CAB39: variants seen among roughly 807,000 people sequenced by gnomAD.
The protein encoded by CAB39 is calcium binding protein 39.
In CAB39, 8 loss-of-function variants were observed where a neutral mutation model predicts 40.0. That is an observed-to-expected ratio of 0.20 (90% CI 0.12 to 0.36). The LOEUF is 0.36. Ranked by LOEUF, CAB39 falls within the 10% of genes least tolerant of loss-of-function variation. CAB39 has a pLI of 1.00. For synonymous variants in CAB39, 156 were observed against 141.6 expected, an observed-to-expected ratio of 1.10 and a Z score of -0.72; for missense variants, 270 against 401.1, an observed-to-expected ratio of 0.67 and a Z score of 2.79.
chr2:230,784,119 G>T (rs1695746210), intron 2 of CAB39, among the ~76,000 whole-genome samples: 1 of 152,078 alleles, frequency 6.6e-6, no homozygotes, highest in South Asian at 2.1e-4. Context: ...TGGTAGACGG[G>T]GATAAATGGA....
rs1262854719 is a variant in CAB39, at chr2:230,713,078, C to T, written c.-196C>T. 6.6e-6 allele frequency: 1 copy of T among 151,492 alleles called. No individual in the cohort carries two copies. Among genetic ancestry groups the T allele is most frequent in the African/African-American group, 2.4e-5 (1 of 41,338 alleles). The allele number at this position is 151,492 out of a possible 1,614,324, so 9.4% of individuals were successfully genotyped here. ...CGCAGCCGCCGCCGCCGCGGGAGCC[C>T]GTCGCCGGGAGCAGGAGCGGGCGGA... On this transcript the variant is annotated 5_prime_UTR_variant, in exon 1 of 9. Transcript: ENST00000258418.
At chr2:230,722,300 A>C (rs1280208674) in intron 1 of CAB39, among the ~76,000 whole-genome samples, 1 of 152,202 alleles carries the variant, frequency 6.6e-6, no homozygotes, top group Non-Finnish European at 1.5e-5. Flanking sequence ...AGAATATACC[A>C]TACAAACTTT....
chr2:230,715,069 T>G (rs1694324830), intron 1 of CAB39, among the ~76,000 whole-genome samples: 1 of 152,242 alleles, frequency 6.6e-6, no homozygotes, highest in African/African-American at 2.4e-5. Flanking sequence ...GCGTATTTTC[T>G]TTCCAGTCTT....
intron 2 of CAB39, among the ~76,000 whole-genome samples, chr2:230,763,358 G>T (rs775343280): frequency 6.6e-6 from 1 of 152,098 alleles, no homozygotes; most frequent in Non-Finnish European, 1.5e-5. Flanking sequence ...CTGGGAGGCC[G>T]AGGTGGGTGG....
In CAB39 at chr2:230,727,363, CGTGTGTGTGTGTGTGTGT is replaced by C. The variant is rs10542723; in HGVS notation, c.-44+14152_-44+14169del. Among the ~76,000 whole-genome samples, 657 of 126,940 alleles carry C rather than the reference CGTGTGTGTGTGTGTGTGT, an allele frequency of 5.2e-3. 5 individuals are homozygous for C. Among genetic ancestry groups the C allele is most frequent in the African/African-American group, 0.019 (608 of 31,238 alleles). 83.3% of individuals were successfully genotyped at this position (126,940 alleles called of 152,430 possible). A position where few individuals can be genotyped will look rare whatever the true frequency, so the allele number is the denominator to read the frequency against. ...TAGAGCACTTGAATAGATTGTTAAC[CGTGTGTGTGTGTGTGTGT>C]GTGTGTGTGTGTGTGTGTATTTTTT... On this transcript the variant is annotated intron_variant, in intron 1 of 8. Coordinates refer to ENST00000258418, the MANE Select transcript of CAB39 (RefSeq NM_016289.4).
At chr2:230,727,125 T>C (rs896198565) in intron 1 of CAB39, among the ~76,000 whole-genome samples, 1 of 152,036 alleles carries the variant, frequency 6.6e-6, no homozygotes, top group South Asian at 2.1e-4. Flanking sequence ...TGCACAACTT[T>C]GGAAGAGCTA....
chr2:230,741,436 C>G (rs1327745320), intron 1 of CAB39, among the ~76,000 whole-genome samples: 1 of 152,174 alleles, frequency 6.6e-6, no homozygotes, highest in African/African-American at 2.4e-5. Context: ...TTTGATACTT[C>G]GTCAGTTTAC....
intron 1 of CAB39, among the ~76,000 whole-genome samples, chr2:230,730,376 G>T (rs1422361268): frequency 6.6e-6 from 1 of 151,892 alleles, no homozygotes; most frequent in African/African-American, 2.4e-5. Flanking sequence ...TGATAATTAA[G>T]CTACCCTTTA....
intron 2 of CAB39, among the ~76,000 whole-genome samples, chr2:230,789,830 C>G (rs576763457): frequency 6.6e-6 from 1 of 152,196 alleles, no homozygotes; most frequent in African/African-American, 2.4e-5. Flanking sequence ...CTGGCTCCCC[C>G]GTCCTGGTGC....
rs1694277300 is a variant in CAB39 at position 230,713,102 on chromosome 2, GA to G, written c.-170del. The G allele has an allele frequency of 6.6e-6, 1 of 151,710 alleles. No individual in the cohort carries two copies. The highest frequency in any genetic ancestry group is 1.5e-5 in the Non-Finnish European group (1 of 67,870). The allele number at this position is 151,710 out of a possible 1,614,324, so 9.4% of individuals were successfully genotyped here. A position where few individuals can be genotyped will look rare whatever the true frequency, so the allele number is the denominator to read the frequency against. On this transcript the variant is annotated 5_prime_UTR_variant, in exon 1 of 9. Transcript: ENST00000258418. ...CCGTCGCCGGGAGCAGGAGCGGGCGGAAGACAACGGAGGGGCCGAGCGTCCG... is the reference window on the plus strand; with the variant it reads ...CCGTCGCCGGGAGCAGGAGCGGGCGGAGACAACGGAGGGGCCGAGCGTCCG...
rs188874675 is a variant in CAB39, at chr2:230,766,780, G to A, written c.114+6665G>A. Among the ~76,000 whole-genome samples, 6 of 152,282 alleles carry A rather than the reference G, an allele frequency of 3.9e-5. 1 individual carries two copies. The highest frequency in any genetic ancestry group is 3.9e-4 in the Admixed American group (6 of 15,292). ...CCGGGCTTAAGCTTCAGCCCAGTTG[G>A]CCTCCCAAATTGCTGGGATTGCAGG... On this transcript the variant is annotated intron_variant, in intron 2 of 8. Transcript: ENST00000258418.
rs528881935 is a variant in CAB39 at position 230,758,382 on chromosome 2, T to G, written c.-43-1577T>G. On this transcript the variant is annotated intron_variant, in intron 1 of 8. Transcript: ENST00000258418. Reference sequence around the variant, plus strand: ...TAAACTATTTCTCTTTGGTTAATTTTGTCAAAAAAGGATTTACAAGGTGAC... The same window carrying G: ...TAAACTATTTCTCTTTGGTTAATTTGGTCAAAAAAGGATTTACAAGGTGAC... Among the ~76,000 whole-genome samples, 11 of 152,246 alleles carry G rather than the reference T, an allele frequency of 7.2e-5. No individual in the cohort carries two copies. The South Asian group carries it at 1.0e-3, about 14-fold the overall frequency.
chr2:230,787,358 A>G (rs1695811512), intron 2 of CAB39, among the ~76,000 whole-genome samples: 1 of 152,136 alleles, frequency 6.6e-6, no homozygotes, highest in African/African-American at 2.4e-5. Flanking sequence ...GAGGCAGGTC[A>G]TGGGAGACAT....
At chr2:230,801,917 A>AT in intron 5 of CAB39, among the ~76,000 whole-genome samples, 1 of 152,250 alleles carries the variant, frequency 6.6e-6, no homozygotes, top group East Asian at 1.9e-4. Flanking sequence ...GCTTGAATAA[A>AT]TGGATGCTCA....
intron 2 of CAB39, among the ~76,000 whole-genome samples, chr2:230,775,324 C>G (rs1430401752): frequency 6.7e-6 from 1 of 148,982 alleles, no homozygotes; most frequent in Admixed American, 6.6e-5. Context: ...CAACCTCCGC[C>G]TCCCGGGTTC....
rs373514255 is a variant in CAB39 at position 230,818,499 on chromosome 2, C to T, written c.838-17C>T. 47 of 1,608,738 alleles carry T rather than the reference C, an allele frequency of 2.9e-5. No individual in the cohort carries two copies. Among genetic ancestry groups the T allele is most frequent in the African/African-American group, 2.3e-4 (17 of 74,894 alleles). ...TTGTCCTTTCTCTGTGCCTCATGTG[C>T]GTTTCTCTCCACGCAGGTGTTTGTA... On this transcript the variant is annotated splice_polypyrimidine_tract_variant and intron_variant, in intron 8 of 8. Coordinates refer to ENST00000258418, the MANE Select transcript of CAB39 (RefSeq NM_016289.4).
chr2:230,799,866 T>C (rs1406975173), intron 5 of CAB39, among the ~76,000 whole-genome samples: 1 of 151,968 alleles, frequency 6.6e-6, no homozygotes, highest in Non-Finnish European at 1.5e-5. Context: ...GGCGCATGCC[T>C]GTAATCACAG....
chr2:230,743,048 T>G (rs1694911105), intron 1 of CAB39, among the ~76,000 whole-genome samples: 1 of 152,200 alleles, frequency 6.6e-6, no homozygotes, highest in African/African-American at 2.4e-5. Context: ...TGTGGCCGGG[T>G]CAGCCATTTG....
intron 2 of CAB39, among the ~76,000 whole-genome samples, chr2:230,765,286 A>G (rs1695366202): frequency 6.6e-6 from 1 of 152,096 alleles, no homozygotes; most frequent in Admixed American, 6.6e-5. Context: ...CACGGTGATG[A>G]AGACTGCAAT....
Sources: gnomAD v4.1 joint callset for allele counts (sites outside exome capture counted in the v4.1 genomes callset) on GRCh38, gnomAD v4.1.1 for gene constraint, MANE v1.5 for transcripts, NCBI Gene and HGNC (gene_info 2026-07-23, HGNC 2026-07-21) for gene names.